The following CADPS variants were observed in gnomAD, a reference collection of about 807,000 sequenced individuals.
CADPS encodes the protein calcium-dependent secretion activator 1.
A neutral mutation model predicts 167.3 loss-of-function variants in CADPS; 57 were observed. That is an observed-to-expected ratio of 0.34 (90% CI 0.28 to 0.42). CADPS has a LOEUF of 0.42. Ranked by LOEUF, CADPS falls within the 20% of genes least tolerant of loss-of-function variation. The probability of loss-of-function intolerance (pLI) is 1.00; values close to 1 mark genes in which losing one functional copy is unlikely to be tolerated. For missense variants in CADPS, 1,414 were observed against 1,738.1 expected (o/e 0.81, Z 3.32); for synonymous variants, 676 against 635.3 (o/e 1.06, Z -0.96).
chr3:62,415,258 G>A (rs2049828458), intron 28 of CADPS, among the ~76,000 whole-genome samples: 1 of 151,972 alleles, frequency 6.6e-6, no homozygotes, highest in South Asian at 2.1e-4. Context: ...ATCAAAAAAC[G>A]GCGCTCGGTT....
chr3:62,605,244 G>T (rs1241820503), intron 6 of CADPS, among the ~76,000 whole-genome samples: 1 of 5,438 alleles, frequency 1.8e-4, no homozygotes, highest in South Asian at 9.8e-3. Flanking sequence ...CAAATGAGGG[G>T]AAAAACAAAA....
chr3:62,461,868 G>GT, intron 26 of CADPS, among the ~76,000 whole-genome samples: 1 of 152,282 alleles, frequency 6.6e-6, no homozygotes, highest in African/African-American at 2.4e-5. Context: ...TCCCAAAAGG[G>GT]CCGAGAACAC....
chr3:62,595,118 C>A (rs2058729022), intron 6 of CADPS, among the ~76,000 whole-genome samples: 1 of 152,024 alleles, frequency 6.6e-6, no homozygotes, highest in South Asian at 2.1e-4. Flanking sequence ...CACAGGGAAT[C>A]TAGTGAGAGT....
intron 18 of CADPS, among the ~76,000 whole-genome samples, chr3:62,496,378 A>C (rs915085662): frequency 1.3e-5 from 2 of 152,190 alleles, no homozygotes; most frequent in Non-Finnish European, 2.9e-5. Context: ...GCAATCTGTA[A>C]GTAAAAGTTG....
intron 1 of CADPS, among the ~76,000 whole-genome samples, chr3:62,829,573 A>G (rs956934599): frequency 2.6e-5 from 4 of 152,128 alleles, no homozygotes; most frequent in African/African-American, 9.7e-5. Context: ...GCATTTGTCT[A>G]CCTATTCATG....
At chr3:62,568,521 C>A (rs748963552) in intron 9 of CADPS, among the ~76,000 whole-genome samples, 2 of 152,224 alleles carry the variant, frequency 1.3e-5, no homozygotes, top group Non-Finnish European at 1.5e-5. Context: ...CCTTTATACA[C>A]TGGGACTTGT....
chr3:62,720,039 C>T (rs1413544039), intron 3 of CADPS, among the ~76,000 whole-genome samples: 2 of 152,178 alleles, frequency 1.3e-5, no homozygotes, highest in South Asian at 2.1e-4. Context: ...TCTCTGTCAA[C>T]TGATGATGGA....
At chr3:62,703,868 G>A (rs2081874976) in intron 3 of CADPS, among the ~76,000 whole-genome samples, 1 of 152,132 alleles carries the variant, frequency 6.6e-6, no homozygotes. Context: ...GTTCAATCCA[G>A]TTGACTTATC....
intron 3 of CADPS, among the ~76,000 whole-genome samples, chr3:62,684,097 G>A (rs1291369783): frequency 2.6e-5 from 4 of 151,992 alleles, no homozygotes; most frequent in Non-Finnish European, 5.9e-5. Flanking sequence ...TTTGCTCCAC[G>A]TCTTTGGGGT....
chr3:62,664,627 G>A (rs2074068664), intron 3 of CADPS, among the ~76,000 whole-genome samples: 1 of 152,238 alleles, frequency 6.6e-6, no homozygotes, highest in South Asian at 2.1e-4. Context: ...ATATGCAAAT[G>A]AAACATTCAA....
intron 1 of CADPS, chr3:62,796,225 G>A (rs1043109260): frequency 1.3e-4 from 20 of 152,166 alleles, no homozygotes; most frequent in African/African-American, 4.8e-4. Flanking sequence ...TTCTGTTTCT[G>A]ATCTGGGTCA....
intron 7 of CADPS, 113 bp downstream of exon 7, chr3:62,592,524 C>G: frequency 1.3e-6 from 1 of 772,478 alleles, no homozygotes. Flanking sequence ...ACTTAATGTT[C>G]AAAACTGAGC....
At chr3:62,775,219 TA>T (rs200035627) in intron 1 of CADPS, among the ~76,000 whole-genome samples, 1 of 25,668 alleles carries the variant, frequency 3.9e-5, no homozygotes, top group Admixed American at 3.0e-4. Context: ...TGTATTTTTG[TA>T]TTTTTTTTTT....
At chr3:62,548,028 A>G (rs1458170346) in intron 11 of CADPS, among the ~76,000 whole-genome samples, 1 of 152,190 alleles carries the variant, frequency 6.6e-6, no homozygotes, top group South Asian at 2.1e-4. Flanking sequence ...ATTTGGAAAT[A>G]AGACCAGTAT....
At chr3:62,584,005 CTTT>C (rs34234122) in intron 8 of CADPS, among the ~76,000 whole-genome samples, 15 of 123,316 alleles carry the variant, frequency 1.2e-4, no homozygotes, top group Admixed American at 1.6e-4. Context: ...ACCCAATCCT[CTTT>C]TTTTTTTTTT....
Position 62,399,239 on chromosome 3 carries a change from A to G in CADPS, c.*167T>C. On this transcript the variant is annotated 3_prime_UTR_variant, in exon 30 of 30. Coordinates refer to ENST00000383710, the MANE Select transcript of CADPS (RefSeq NM_003716.4). This position sits in a 1 kb window ranked among gnomAD's most constrained non-coding sequence, Gnocchi z 5.6. ...GGACATCAGGAAATCAGTGGATATGAAGGTCATTTGCTAATCTTGGTACCA... is the reference window on the plus strand; with the variant it reads ...GGACATCAGGAAATCAGTGGATATGGAGGTCATTTGCTAATCTTGGTACCA... 5.0e-6 allele frequency: 3 copies of G among 604,552 alleles called. No homozygotes were observed. The highest frequency in any genetic ancestry group is 8.8e-6 in the Non-Finnish European group (3 of 342,216). 37.4% of individuals were successfully genotyped at this position (604,552 alleles called of 1,614,324 possible).
At chr3:62,450,168 G>A (rs776007410) in intron 26 of CADPS, among the ~76,000 whole-genome samples, 32 of 152,162 alleles carry the variant, frequency 2.1e-4, no homozygotes, top group Non-Finnish European at 3.7e-4. Flanking sequence ...TTACCAACAG[G>A]TATCTGAGCT....
intron 2 of CADPS, among the ~76,000 whole-genome samples, chr3:62,764,265 C>T (rs2086285893): frequency 1.3e-5 from 2 of 152,134 alleles, no homozygotes; most frequent in Non-Finnish European, 2.9e-5. Flanking sequence ...TAAATATATT[C>T]AAGTTATTCA....
At chr3:62,698,728 T>A (rs1339589361) in intron 3 of CADPS, among the ~76,000 whole-genome samples, 1 of 123,002 alleles carries the variant, frequency 8.1e-6, no homozygotes, top group Non-Finnish European at 1.6e-5. Flanking sequence ...TCCTCCCCAC[T>A]TCCTTTTTTT....
Sources: allele counts gnomAD v4.1 joint callset (sites outside exome capture counted in the v4.1 genomes callset), GRCh38; gene constraint gnomAD v4.1.1; non-coding constraint Gnocchi (gnomAD v3.1); transcripts MANE v1.5; gene names NCBI Gene and HGNC (gene_info 2026-07-23, HGNC 2026-07-21).